Variants in MSRA observed in about 807,000 individuals in gnomAD.
The protein encoded by MSRA is methionine sulfoxide reductase A, also known as mitochondrial peptide methionine sulfoxide reductase.
MSRA carries 54 observed loss-of-function variants against 31.3 expected under a neutral mutation model. The ratio of observed to expected loss-of-function variants is 1.73; its 90% CI spans 1.39 to 2.17. The LOEUF is 2.17. Ranked by LOEUF, MSRA falls within the 30% of genes most tolerant of loss-of-function variation. MSRA has a pLI of 0.00. For missense variants in MSRA, 507 were observed against 300.9 expected, an observed-to-expected ratio of 1.69 and a Z score of -5.07; for synonymous variants, 169 against 116.5, an observed-to-expected ratio of 1.45 and a Z score of -2.90.
chr8:10,066,820 C>A (rs1797476161), intron 1 of MSRA, among the ~76,000 whole-genome samples: 1 of 152,070 alleles, frequency 6.6e-6, no homozygotes, highest in Non-Finnish European at 1.5e-5. Flanking sequence ...CAGGTGTGAG[C>A]TGCTGCACCT....
chr8:10,151,119 C>G (rs989765948), intron 1 of MSRA, among the ~76,000 whole-genome samples: 1 of 151,614 alleles, frequency 6.6e-6, no homozygotes, highest in African/African-American at 2.4e-5. Flanking sequence ...TCCATGCCTA[C>G]TTGTGGAGGG....
rs536233003 is a variant in MSRA at position 10,223,920 on chromosome 8, G to A, written c.211+16019G>A. Among the ~76,000 whole-genome samples the A allele has an allele frequency of 7.9e-5, 12 of 152,324 alleles. No homozygotes were observed. In the East Asian group the frequency reaches 1.9e-3, roughly 24 times the overall value. On this transcript the variant is annotated intron_variant, in intron 2 of 5. Transcript: ENST00000317173. ...TTAGAACAAATGGGTTTTGGTGACAGTGTGTTCAGATGGAATACTCACAGA... is the reference window on the plus strand; with the variant it reads ...TTAGAACAAATGGGTTTTGGTGACAATGTGTTCAGATGGAATACTCACAGA...
At chr8:10,379,429 T>G (rs1261462823) in intron 5 of MSRA, among the ~76,000 whole-genome samples, 1 of 152,220 alleles carries the variant, frequency 6.6e-6, no homozygotes, top group Non-Finnish European at 1.5e-5. Context: ...CACTCGCAGG[T>G]GGCGTCAGCA....
At chr8:10,269,436 G>T (rs933010115) in intron 3 of MSRA, among the ~76,000 whole-genome samples, 1 of 152,194 alleles carries the variant, frequency 6.6e-6, no homozygotes, top group Admixed American at 6.5e-5. Context: ...CTGATTACTC[G>T]ATCACTTCTG....
In MSRA at chr8:10,271,819, A is replaced by G. The variant is rs190058229; in HGVS notation, c.331+26596A>G. ...CCGCAACCTCGGCCTCCTGGGTTCA[A>G]GTGACTCTCTTGCCTCAGCCTCTCA... On this transcript the variant is annotated intron_variant, in intron 3 of 5. Coordinates refer to ENST00000317173, the MANE Select transcript of MSRA (RefSeq NM_012331.5). 4.6e-3 allele frequency among the ~76,000 whole-genome samples: 696 copies of G among 151,716 alleles called. 2 individuals are homozygous for G. Among genetic ancestry groups the G allele is most frequent in the Non-Finnish European group, 6.8e-3 (462 of 67,976 alleles).
chr8:10,382,623 A>G (rs1008702958), intron 5 of MSRA, among the ~76,000 whole-genome samples: 2 of 152,180 alleles, frequency 1.3e-5, no homozygotes, highest in Non-Finnish European at 2.9e-5. Flanking sequence ...CCTGGCCAAC[A>G]AGTGTTAAGG....
chr8:10,267,373 G>C (rs1013701803), intron 3 of MSRA, among the ~76,000 whole-genome samples: 6 of 152,204 alleles, frequency 3.9e-5, no homozygotes, highest in Non-Finnish European at 8.8e-5. Flanking sequence ...CTCGTGGAGG[G>C]AAGGAGTTGA....
chr8:10,139,356 CATG>C (rs1218488924), intron 1 of MSRA, among the ~76,000 whole-genome samples: 1 of 152,104 alleles, frequency 6.6e-6, no homozygotes, highest in Non-Finnish European at 1.5e-5. Context: ...AACCACTTCT[CATG>C]ATCTTTATTT....
chr8:10,282,368 A>G (rs1799667365), intron 3 of MSRA, among the ~76,000 whole-genome samples: 1 of 152,244 alleles, frequency 6.6e-6, no homozygotes, highest in Non-Finnish European at 1.5e-5. Context: ...TTGATCGCCC[A>G]GAAATATAAT....
chr8:10,416,266 G>A (rs1165955147), intron 5 of MSRA, among the ~76,000 whole-genome samples: 2 of 152,312 alleles, frequency 1.3e-5, no homozygotes, highest in African/African-American at 2.4e-5. Flanking sequence ...AACAATTGTC[G>A]AGATTCATTC....
rs1438945337 is a variant in MSRA, at chr8:10,195,253, T to G, written c.143-12580T>G. Among the ~76,000 whole-genome samples the G allele has an allele frequency of 2.0e-5, 3 of 152,334 alleles. No individual in the cohort carries two copies. The East Asian group carries it at 5.8e-4, about 29-fold the overall frequency. ...ATGTTAATTTCCTATCTTTTTTGTT[T>G]GTTTGTTTTTTGAGTCTCACTCTGT... On this transcript the variant is annotated intron_variant, in intron 1 of 5. Coordinates refer to ENST00000317173, the MANE Select transcript of MSRA (RefSeq NM_012331.5).
intron 3 of MSRA, among the ~76,000 whole-genome samples, chr8:10,294,097 A>C (rs1193622184): frequency 3.9e-5 from 6 of 152,162 alleles, no homozygotes; most frequent in Non-Finnish European, 1.5e-5. Flanking sequence ...TCAGCTACTT[A>C]GGAGGCTGAG....
intron 5 of MSRA, among the ~76,000 whole-genome samples, chr8:10,340,672 C>T (rs1322810338): frequency 2.0e-5 from 3 of 152,242 alleles, no homozygotes; most frequent in Non-Finnish European, 2.9e-5. Flanking sequence ...TGTGTCCCGC[C>T]AGATTGGAAG....
chr8:10,127,602 G>A (rs1215542515), intron 1 of MSRA, among the ~76,000 whole-genome samples: 1 of 152,196 alleles, frequency 6.6e-6, no homozygotes, highest in Non-Finnish European at 1.5e-5. Flanking sequence ...GTTTTCCAGA[G>A]ATCCTTCCTG....
intron 3 of MSRA, among the ~76,000 whole-genome samples, chr8:10,249,388 C>G (rs577648115): frequency 1.3e-5 from 2 of 152,236 alleles, no homozygotes; most frequent in African/African-American, 2.4e-5. Flanking sequence ...GAGTTTTGGT[C>G]GGACCTCCAT....
intron 1 of MSRA, among the ~76,000 whole-genome samples, chr8:10,119,178 G>A (rs181963803): frequency 5.4e-4 from 82 of 152,282 alleles, no homozygotes; most frequent in African/African-American, 1.4e-3. Context: ...ATGTGATAGC[G>A]AATTAAAGCC....
At chr8:10,179,064 T>C (rs1806314581) in intron 1 of MSRA, among the ~76,000 whole-genome samples, 1 of 152,132 alleles carries the variant, frequency 6.6e-6, no homozygotes, top group Non-Finnish European at 1.5e-5. Flanking sequence ...TTTCTCACAA[T>C]CTCCCCCTTG....
chr8:10,166,920 A>T (rs1805182378), intron 1 of MSRA, among the ~76,000 whole-genome samples: 1 of 152,176 alleles, frequency 6.6e-6, no homozygotes, highest in African/African-American at 2.4e-5. Context: ...CTCGGGAGCC[A>T]TGATGGGTCT....
At chr8:10,198,351 A>G (rs1808179681) in intron 1 of MSRA, among the ~76,000 whole-genome samples, 1 of 151,550 alleles carries the variant, frequency 6.6e-6, no homozygotes, top group African/African-American at 2.4e-5. Flanking sequence ...TCCCCACTCA[A>G]CTCCATATAT....
Sources: allele counts gnomAD v4.1 joint callset (sites outside exome capture counted in the v4.1 genomes callset), GRCh38; gene constraint gnomAD v4.1.1; transcripts MANE v1.5; gene names NCBI Gene and HGNC (gene_info 2026-07-23, HGNC 2026-07-21).